Variants in TRIM37 observed in about 807,000 individuals in gnomAD.
TRIM37 encodes tripartite motif containing 37, also known as E3 ubiquitin-protein ligase TRIM37.
In TRIM37, 80 loss-of-function variants were observed where a neutral mutation model predicts 129.8. The ratio of observed to expected loss-of-function variants is 0.62; its 90% confidence interval spans 0.51 to 0.74. The LOEUF (loss-of-function observed/expected upper bound fraction) is 0.74. Among genes scored for constraint, TRIM37 ranks in the 30% least tolerant of loss-of-function variants. TRIM37 has a pLI of 0.00. For synonymous variants in TRIM37, 389 were observed against 387.1 expected (o/e 1.00, Z -0.06); for missense variants, 1,054 against 1,176.5 (o/e 0.90, Z 1.52).
At chr17:59,089,865 CAAGGTGGTAGGATCCCT>C (rs2044131020) in intron 3 of TRIM37, among the ~76,000 whole-genome samples, 1 of 151,992 alleles carries the variant, frequency 6.6e-6, no homozygotes, top group Non-Finnish European at 1.5e-5. Flanking sequence ...TTCGGGAGGT[CAAGGTGGTAGGATCCCT>C]TGAGCCCAGG....
At chr17:59,013,742 G>A (rs1367294172) in intron 21 of TRIM37, among the ~76,000 whole-genome samples, 2 of 151,212 alleles carry the variant, frequency 1.3e-5, no homozygotes, top group East Asian at 2.0e-4. Context: ...TGCCTAGGGT[G>A]TTCTCAAACT....
chr17:59,023,449 C>T (rs1303926458), intron 19 of TRIM37, among the ~76,000 whole-genome samples: 2 of 151,906 alleles, frequency 1.3e-5, no homozygotes, highest in Admixed American at 6.6e-5. Context: ...GTCAGGAGAT[C>T]AAGACCATCC....
intron 2 of TRIM37, among the ~76,000 whole-genome samples, chr17:59,097,391 A>G (rs1477321589): frequency 6.6e-6 from 1 of 152,212 alleles, no homozygotes; most frequent in East Asian, 1.9e-4. Flanking sequence ...AAATCCCTAA[A>G]GAGTCCACAA....
chr17:59,082,664 A>C (rs530258521), intron 5 of TRIM37, among the ~76,000 whole-genome samples: 179 of 152,314 alleles, frequency 1.2e-3, no homozygotes, highest in Admixed American at 2.0e-3. Flanking sequence ...TTTTATAGCT[A>C]ACTACCTAAA....
intron 12 of TRIM37, among the ~76,000 whole-genome samples, 163 bp from the exon 13 acceptor site, chr17:59,057,217 G>GT (rs1024621752): frequency 2.6e-5 from 4 of 151,976 alleles, no homozygotes; most frequent in South Asian, 4.1e-4. Flanking sequence ...GTATTTTGGG[G>GT]TTTTTTTATT....
chr17:59,078,874 A>C (rs1181998067), intron 7 of TRIM37, among the ~76,000 whole-genome samples: 1 of 152,158 alleles, frequency 6.6e-6, no homozygotes, highest in Non-Finnish European at 1.5e-5. Context: ...AAAACTAAAA[A>C]TCAGATATTA....
chr17:59,019,923 G>T (rs1264772470), intron 19 of TRIM37, among the ~76,000 whole-genome samples: 2 of 152,006 alleles, frequency 1.3e-5, no homozygotes, highest in South Asian at 4.1e-4. Flanking sequence ...TGAATTATTG[G>T]TTAAGGAAAA....
chr17:59,003,927 A>T (rs1209460573), intron 22 of TRIM37, among the ~76,000 whole-genome samples: 1 of 150,640 alleles, frequency 6.6e-6, no homozygotes, highest in African/African-American at 2.4e-5. Flanking sequence ...CTCTATAAAA[A>T]AAAAAAAAAA....
At chr17:59,009,447 T>TTC (rs200280521) in intron 22 of TRIM37, among the ~76,000 whole-genome samples, 105 of 120,572 alleles carry the variant, frequency 8.7e-4, no homozygotes, top group Middle Eastern at 8.1e-3. Context: ...TCTTTTCTTT[T>TTC]TTTTTTTTTT....
At chr17:58,992,246 G>GAT (rs58882631) in intron 24 of TRIM37, among the ~76,000 whole-genome samples, 2 of 139,068 alleles carry the variant, frequency 1.4e-5, no homozygotes, top group African/African-American at 5.4e-5. Context: ...CAGGCACACT[G>GAT]ATATATATAT....
At chr17:59,060,374 T>C (rs1313124353) in intron 12 of TRIM37, among the ~76,000 whole-genome samples, 1 of 150,234 alleles carries the variant, frequency 6.7e-6, no homozygotes, top group African/African-American at 2.5e-5. Context: ...GTAGATCTCA[T>C]CCCTCTTGCT....
chr17:59,074,138 GTGC>G (rs1435089737), intron 8 of TRIM37, among the ~76,000 whole-genome samples: 20 of 152,190 alleles, frequency 1.3e-4, no homozygotes, highest in African/African-American at 4.8e-4. Flanking sequence ...TTAATGCTTT[GTGC>G]TACTACATTA....
At chr17:58,982,881 G>A in exon 25 of TRIM37, 1 of 1,566,222 alleles carries the variant, frequency 6.4e-7, no homozygotes, top group Non-Finnish European at 8.7e-7. Flanking sequence ...CCTAGATCTT[G>A]TTAACCCATC....
chr17:59,062,341 G>A (rs879502549), intron 11 of TRIM37, among the ~76,000 whole-genome samples: 4 of 152,278 alleles, frequency 2.6e-5, no homozygotes, highest in Non-Finnish European at 5.9e-5. Flanking sequence ...TGAGAACTCA[G>A]GGAACATTGT....
chr17:59,076,187 A>T (rs981616215), intron 7 of TRIM37, among the ~76,000 whole-genome samples: 3 of 148,356 alleles, frequency 2.0e-5, no homozygotes, highest in Non-Finnish European at 3.0e-5. Context: ...GGACCTGTTT[A>T]AAAAAAAAAA....
At chr17:58,972,994 T>C in the TRIM37 span, 2 of 1,045,532 alleles carry the variant, frequency 1.9e-6, no homozygotes, top group Non-Finnish European at 2.9e-6. Flanking sequence ...TCAACTCTGA[T>C]ACAGGGAACC....
intron 10 of TRIM37, among the ~76,000 whole-genome samples, chr17:59,063,331 C>G (rs923650183): frequency 1.5e-4 from 23 of 152,252 alleles, no homozygotes; most frequent in African/African-American, 5.5e-4. Context: ...AGGCGCCCAC[C>G]ACCACGCCCA....
chr17:58,980,113 G>C, downstream of TRIM37: 1 of 1,614,118 alleles, frequency 6.2e-7, no homozygotes, highest in Non-Finnish European at 8.5e-7. This position sits in a 1 kb window ranked among gnomAD's most constrained non-coding sequence, Gnocchi z 4.7. Flanking sequence ...TGAAAGTTGT[G>C]TCCGACCACC....
intron 20 of TRIM37, among the ~76,000 whole-genome samples, chr17:59,016,902 G>T (rs1340856875): frequency 6.6e-6 from 1 of 152,130 alleles, no homozygotes; most frequent in Non-Finnish European, 1.5e-5. Flanking sequence ...AGCCAGGTGT[G>T]GTGGGGCTCA....
Sources: gnomAD v4.1 joint callset for allele counts (sites outside exome capture counted in the v4.1 genomes callset) on GRCh38, gnomAD v4.1.1 for gene constraint, Gnocchi (gnomAD v3.1) non-coding constraint, MANE v1.5 for transcripts, NCBI Gene and HGNC (gene_info 2026-07-23, HGNC 2026-07-21) for gene names.